Variants in CCDC88A observed in about 807,000 individuals in gnomAD.
CCDC88A encodes girdin.
CCDC88A carries 54 observed loss-of-function variants against 234.3 expected under a neutral mutation model. The observed-to-expected ratio is 0.23, with a 90% confidence interval of 0.19 to 0.29. The LOEUF is 0.29. CCDC88A is among the 10% of genes least tolerant of loss of function. The pLI is 1.00. For synonymous variants in CCDC88A, 753 were observed against 737.8 expected (o/e 1.02, Z -0.33); for missense variants, 1,832 against 2,123.4 (o/e 0.86, Z 2.70).
At position 55,343,811 on chromosome 2, in the gene CCDC88A, T is replaced by C. The variant is rs199662043; in HGVS notation, c.1189-19A>G. Reference sequence around the variant, plus strand: ...CTCGTTCCTTTTTTATTGGCAAGGATTAGGGAGAGAAAAAAGCTAAGAAAC... The same window carrying C: ...CTCGTTCCTTTTTTATTGGCAAGGACTAGGGAGAGAAAAAAGCTAAGAAAC... On this transcript the variant is annotated intron_variant, in intron 11 of 32. Coordinates refer to ENST00000436346, the MANE Select transcript of CCDC88A (RefSeq NM_001365480.1). 3 of 1,571,340 alleles carry C rather than the reference T, an allele frequency of 1.9e-6. No homozygotes were observed.
intron 7 of CCDC88A, among the ~76,000 whole-genome samples, chr2:55,359,715 T>C (rs1277852022): frequency 6.6e-6 from 1 of 151,702 alleles, no homozygotes; most frequent in African/African-American, 2.4e-5. Context: ...TAAAATAACT[T>C]CCTTATTAGA....
Position 55,418,929 on chromosome 2 carries a change from G to C in CCDC88A, c.64-13C>G, listed in dbSNP as rs1681901182. On this transcript the variant is annotated splice_polypyrimidine_tract_variant and intron_variant, in intron 1 of 32. Coordinates refer to ENST00000436346, the MANE Select transcript of CCDC88A (RefSeq NM_001365480.1). The stretch of plus-strand genomic sequence containing the variant: ...CAAACGTTTTAACCTAGAACAAACA[G>C]AAGGATCACCACGACATGAACGCCC... 6.2e-7 allele frequency: 1 copy of C among 1,610,592 alleles called. No homozygotes were observed. The highest frequency in any genetic ancestry group is 8.5e-7 in the Non-Finnish European group (1 of 1,176,958).
chr2:55,398,330 G>C (rs189088475), intron 2 of CCDC88A, among the ~76,000 whole-genome samples: 257 of 152,278 alleles, frequency 1.7e-3, no homozygotes, highest in Non-Finnish European at 3.1e-3. Flanking sequence ...TATGAAAACA[G>C]AACTGAAAAG....
At chr2:55,319,697 A>G (rs1030905424) in intron 18 of CCDC88A, among the ~76,000 whole-genome samples, 5 of 152,174 alleles carry the variant, frequency 3.3e-5, no homozygotes, top group Non-Finnish European at 5.9e-5. Flanking sequence ...CCATATTTCA[A>G]TTTTATAGCT....
In CCDC88A at chr2:55,403,466, A is replaced by G. The variant is rs139227864; in HGVS notation, c.165-14580T>C. On this transcript the variant is annotated intron_variant, in intron 2 of 32. Transcript: ENST00000436346. ...ACTGGGTTTATTTATTATACCTTAC[A>G]AGTGTGTAACGAGAAGAATACAATG... The G allele has an allele frequency of 7.9e-5, 12 of 152,348 alleles. 1 individual carries two copies. In the East Asian group the frequency reaches 2.3e-3, roughly 29 times the overall value. The allele number at this position is 152,348 out of a possible 1,614,324, so 9.4% of individuals were successfully genotyped here.
intron 2 of CCDC88A, among the ~76,000 whole-genome samples, chr2:55,393,853 T>C (rs561999659): frequency 6.4e-4 from 97 of 152,258 alleles, no homozygotes; most frequent in Non-Finnish European, 1.2e-3. Context: ...CATTAATGCA[T>C]GATGTCTGCT....
At chr2:55,365,914 T>C (rs1671876989) in intron 5 of CCDC88A, among the ~76,000 whole-genome samples, 1 of 152,220 alleles carries the variant, frequency 6.6e-6, no homozygotes, top group South Asian at 2.1e-4. Flanking sequence ...GAAATGTAGC[T>C]AGTGCAACTG....
At chr2:55,324,090 T>A (rs1169047463) in intron 17 of CCDC88A, 9 of 152,218 alleles carry the variant, frequency 5.9e-5, no homozygotes, top group Admixed American at 5.9e-4. Context: ...TTAATCAAAA[T>A]CTTTATATTC....
Position 55,312,619 on chromosome 2 carries a change from C to T in CCDC88A, c.3934-40G>A, listed in dbSNP as rs199903961. 14 of 1,458,470 alleles carry T rather than the reference C, an allele frequency of 9.6e-6. No individual in the cohort carries two copies. In the East Asian group the frequency reaches 2.3e-4, roughly 24 times the overall value. 90.3% of individuals were successfully genotyped at this position (1,458,470 alleles called of 1,614,324 possible). On this transcript the variant is annotated intron_variant, in intron 22 of 32. Coordinates refer to ENST00000436346, the MANE Select transcript of CCDC88A (RefSeq NM_001365480.1). ...ACATTTTTTAAAAAATCAACATTTA[C>T]ATTTAACATAAATCAACTGAAAAAT...
At chr2:55,368,644 A>G (rs1672367198) in intron 5 of CCDC88A, among the ~76,000 whole-genome samples, 1 of 152,092 alleles carries the variant, frequency 6.6e-6, no homozygotes, top group Non-Finnish European at 1.5e-5. Context: ...TCATGAATAT[A>G]GTATCTCTTG....
chr2:55,341,444 G>A lies in CCDC88A; in HGVS notation c.1334-1796C>T, dbSNP rs577444660. On this transcript the variant is annotated intron_variant, in intron 12 of 32. Coordinates refer to ENST00000436346, the MANE Select transcript of CCDC88A (RefSeq NM_001365480.1). ...TGAGCCACCATGCCCGGCACTCCCCGCCCCCTTTTTTTTTTTCTGGGACAG... is the reference window on the plus strand; with the variant it reads ...TGAGCCACCATGCCCGGCACTCCCCACCCCCTTTTTTTTTTTCTGGGACAG... Among the ~76,000 whole-genome samples the A allele has an allele frequency of 6.9e-5, 8 of 115,446 alleles. No individual in the cohort carries two copies. In the South Asian group the frequency reaches 2.3e-3, roughly 33 times the overall value. The allele number at this position is 115,446 out of a possible 152,430, so 75.7% of individuals were successfully genotyped here.
chr2:55,305,182 T>C (rs1413791024), intron 25 of CCDC88A, among the ~76,000 whole-genome samples: 1 of 152,228 alleles, frequency 6.6e-6, no homozygotes, highest in Non-Finnish European at 1.5e-5. Flanking sequence ...TTTCTTTTTC[T>C]GTTTTTAATT....
intron 3 of CCDC88A, among the ~76,000 whole-genome samples, chr2:55,377,898 A>C (rs1204481471): frequency 6.6e-6 from 1 of 151,932 alleles, no homozygotes; most frequent in Non-Finnish European, 1.5e-5. Flanking sequence ...GAGCCACCGC[A>C]CCGGGCCGGG....
At chr2:55,412,318 G>A (rs1680641201) in intron 2 of CCDC88A, among the ~76,000 whole-genome samples, 1 of 152,208 alleles carries the variant, frequency 6.6e-6, no homozygotes, top group African/African-American at 2.4e-5. Context: ...AGGTATTAAA[G>A]GAAGAGCAGG....
chr2:55,343,978 T>C (rs1237611974), intron 11 of CCDC88A, 186 bp from the exon 12 acceptor site: 4 of 472,038 alleles, frequency 8.5e-6, no homozygotes, highest in Non-Finnish European at 1.5e-5. Flanking sequence ...GTGTCTGACA[T>C]CCTTTTAAGC....
chr2:55,388,804 C>T lies in CCDC88A; in HGVS notation c.247G>A (p.Val83Met). 6.6e-7 allele frequency: 1 copy of T among 1,507,756 alleles called. No homozygotes were observed. Among genetic ancestry groups the T allele is most frequent in the South Asian group, 1.2e-5 (1 of 83,006 alleles). 93.4% of individuals were successfully genotyped at this position (1,507,756 alleles called of 1,614,324 possible). A position where few individuals can be genotyped will look rare whatever the true frequency, so the allele number is the denominator to read the frequency against. ...SLRMHNLSIL[V>M]RQIKFYYQET... ...TGGTAATAAAATTTTATCTGTCTCA[C>T]CAAAATGGATAGATTGTGCATTCTA... Residue 83 changes from valine to methionine, a missense_variant, in exon 3 of 33, where the codon GTG (valine) becomes ATG (methionine). Physicochemically the swap from Val to Met is conservative, Grantham distance 21. Coordinates refer to ENST00000436346, the MANE Select transcript of CCDC88A (RefSeq NM_001365480.1).
chr2:55,355,493 G>T, intron 8 of CCDC88A, 86 bp downstream of exon 8: 3 of 1,128,094 alleles, frequency 2.7e-6, no homozygotes, highest in Non-Finnish European at 2.7e-6. Context: ...ACACAAGCTA[G>T]CAATATTTCC....
At chr2:55,305,377 T>A (rs1007778762) in intron 25 of CCDC88A, among the ~76,000 whole-genome samples, 1 of 152,198 alleles carries the variant, frequency 6.6e-6, no homozygotes, top group Admixed American at 6.5e-5. Context: ...GGGTTTATTT[T>A]AAAAATTCTA....
chr2:55,349,776 G>A (rs1173950325), intron 8 of CCDC88A, 177 bp from the exon 9 acceptor site: 1 of 500,552 alleles, frequency 2.0e-6, no homozygotes. Context: ...ATAATTAGAT[G>A]CCATTAATAA....
Sources: allele counts gnomAD v4.1 joint callset (sites outside exome capture counted in the v4.1 genomes callset), GRCh38; gene constraint gnomAD v4.1.1; transcripts MANE v1.5; gene names NCBI Gene and HGNC (gene_info 2026-07-23, HGNC 2026-07-21).